The following FBXW7 variants were observed in gnomAD, a reference collection of about 807,000 sequenced individuals.
FBXW7 encodes F-box/WD repeat-containing protein 7.
In FBXW7, 11 loss-of-function variants were observed where a neutral mutation model predicts 86.3. The observed-to-expected ratio is 0.13, with a 90% CI of 0.08 to 0.21. FBXW7 has a LOEUF of 0.21. Among genes scored for constraint, FBXW7 ranks in the 10% least tolerant of loss-of-function variants. The pLI is 1.00. For missense variants in FBXW7, 488 were observed against 847.4 expected (o/e 0.58, Z 5.27); for synonymous variants, 313 against 297.9 (o/e 1.05, Z -0.52).
At chr4:152,370,189 G>A (rs919203835) in intron 4 of FBXW7, among the ~76,000 whole-genome samples, 1 of 151,864 alleles carries the variant, frequency 6.6e-6, no homozygotes, top group Non-Finnish European at 1.5e-5. Context: ...GTTCCCAAGT[G>A]AACTATATGA....
intron 4 of FBXW7, among the ~76,000 whole-genome samples, chr4:152,359,933 GATA>G (rs1447063108): frequency 2.6e-5 from 4 of 152,166 alleles, no homozygotes; most frequent in Admixed American, 2.6e-4. Context: ...ACAGAAGTTT[GATA>G]AGTGTTGAGA....
At chr4:152,445,560 TC>T (rs1411231560) in intron 2 of FBXW7, among the ~76,000 whole-genome samples, 3 of 152,178 alleles carry the variant, frequency 2.0e-5, no homozygotes, top group African/African-American at 7.2e-5. Context: ...AGTTCTCTCA[TC>T]TTTAAAAATA....
chr4:152,434,214 G>A (rs527331684), intron 2 of FBXW7, among the ~76,000 whole-genome samples: 77 of 152,252 alleles, frequency 5.1e-4, no homozygotes, highest in Admixed American at 9.2e-4. Context: ...GGACAGCTGA[G>A]TTTCACTTCC....
intron 4 of FBXW7, among the ~76,000 whole-genome samples, chr4:152,364,796 T>C (rs753962189): frequency 1.1e-4 from 16 of 152,158 alleles, no homozygotes; most frequent in African/African-American, 2.9e-4. Flanking sequence ...TTGAAACATA[T>C]GTATCTCTGT....
In FBXW7 at chr4:152,536,088, G is replaced by C; in HGVS notation, c.-1174C>G. 6.2e-6 allele frequency: 1 copy of C among 161,250 alleles called. No homozygotes were observed. Among genetic ancestry groups the C allele is most frequent in the Non-Finnish European group, 1.4e-5 (1 of 72,820 alleles). 10.0% of individuals were successfully genotyped at this position (161,250 alleles called of 1,614,324 possible). The stretch of plus-strand genomic sequence containing the variant: ...TGTGCGGGGCTCTCGCCTCACTCCA[G>C]AGAGAGGGGCGGGAGGAGAGCGGCG... On this transcript the variant is annotated 5_prime_UTR_variant, in exon 1 of 14. Coordinates refer to ENST00000281708, the MANE Select transcript of FBXW7 (RefSeq NM_001349798.2).
chr4:152,339,995 G>C (rs1730564022), intron 6 of FBXW7, among the ~76,000 whole-genome samples: 1 of 150,096 alleles, frequency 6.7e-6, no homozygotes, highest in African/African-American at 2.4e-5. Flanking sequence ...ATAGGGTGTA[G>C]AAATTAAAGA....
chr4:152,517,429 A>C (rs1748597269), intron 2 of FBXW7, among the ~76,000 whole-genome samples: 1 of 152,232 alleles, frequency 6.6e-6, no homozygotes, highest in Non-Finnish European at 1.5e-5. Flanking sequence ...TGCCAATGAA[A>C]ATAGCCAGTA....
intron 6 of FBXW7, among the ~76,000 whole-genome samples, chr4:152,343,318 G>A (rs1003931672): frequency 6.6e-6 from 1 of 151,934 alleles, no homozygotes; most frequent in Non-Finnish European, 1.5e-5. Context: ...TAGTGTTAAC[G>A]GTCCCTTTTT....
chr4:152,391,978 G>A (rs1736032795), intron 4 of FBXW7, among the ~76,000 whole-genome samples: 1 of 152,052 alleles, frequency 6.6e-6, no homozygotes, highest in South Asian at 2.1e-4. Flanking sequence ...AGATATAAAT[G>A]AGTTCTAGAT....
rs1745481819 is a variant in FBXW7, at chr4:152,487,824, A to C, written c.-120+47117T>G. On this transcript the variant is annotated intron_variant, in intron 2 of 13. Coordinates refer to ENST00000281708, the MANE Select transcript of FBXW7 (RefSeq NM_001349798.2). ...CTGCTGCTACATAATTTTCAGTTTT[A>C]ATAGCTATACAATACTTAGTTCTGT... is the stretch of plus-strand genomic sequence containing the variant. Among the ~76,000 whole-genome samples, 5 of 152,048 alleles carry C rather than the reference A, an allele frequency of 3.3e-5. No homozygotes were observed. The South Asian group carries it at 1.0e-3, about 32-fold the overall frequency.
At chr4:152,359,757 C>A (rs1242762532) in intron 4 of FBXW7, among the ~76,000 whole-genome samples, 1 of 151,978 alleles carries the variant, frequency 6.6e-6, no homozygotes, top group African/African-American at 2.4e-5. Flanking sequence ...GAGCAAAACT[C>A]AGTCTCAAAA....
intron 4 of FBXW7, among the ~76,000 whole-genome samples, chr4:152,398,508 A>AT (rs1346291476): frequency 6.6e-6 from 1 of 151,996 alleles, no homozygotes; most frequent in African/African-American, 2.4e-5. Context: ...TGTTCTTAAA[A>AT]TTTTTCCCAC....
intron 5 of FBXW7, 99 bp from the exon 6 acceptor site, chr4:152,347,170 G>C (rs2126637926): frequency 1.0e-6 from 1 of 992,860 alleles, no homozygotes. Flanking sequence ...CTAGTACAAA[G>C]AATGATGATC....
intron 2 of FBXW7, among the ~76,000 whole-genome samples, chr4:152,525,229 T>C (rs530325771): frequency 2.6e-5 from 4 of 152,348 alleles, no homozygotes; most frequent in Non-Finnish European, 2.9e-5. Context: ...ATCTAATTTC[T>C]ACATTTACAC....
chr4:152,349,139 AT>A (rs1560789207), intron 5 of FBXW7, among the ~76,000 whole-genome samples: 1 of 152,070 alleles, frequency 6.6e-6, no homozygotes, highest in Non-Finnish European at 1.5e-5. Flanking sequence ...TAAAAAAATT[AT>A]ATCTGAGCAA....
chr4:152,464,558 C>T (rs60156660), intron 2 of FBXW7, among the ~76,000 whole-genome samples: 1 of 152,042 alleles, frequency 6.6e-6, no homozygotes, highest in Non-Finnish European at 1.5e-5. Flanking sequence ...AAGGAACCTG[C>T]ATAAACTAGG....
intron 2 of FBXW7, among the ~76,000 whole-genome samples, chr4:152,484,310 A>T (rs1026569901): frequency 1.3e-5 from 2 of 152,192 alleles, no homozygotes; most frequent in Admixed American, 6.5e-5. Flanking sequence ...AAAAATCAAG[A>T]TTCTTATTAA....
At chr4:152,374,566 G>A (rs574488149) in intron 4 of FBXW7, among the ~76,000 whole-genome samples, 1 of 151,992 alleles carries the variant, frequency 6.6e-6, no homozygotes, top group Non-Finnish European at 1.5e-5. Flanking sequence ...CAATGAATCA[G>A]CCATAGAAAT....
At chr4:152,403,519 C>T (rs1230433604) in intron 4 of FBXW7, among the ~76,000 whole-genome samples, 1 of 151,680 alleles carries the variant, frequency 6.6e-6, no homozygotes, top group East Asian at 1.9e-4. Context: ...ACGGTAGTCA[C>T]CAACCTTTTT....
Sources: allele counts gnomAD v4.1 joint callset (sites outside exome capture counted in the v4.1 genomes callset), GRCh38; gene constraint gnomAD v4.1.1; transcripts MANE v1.5; gene names NCBI Gene and HGNC (gene_info 2026-07-23, HGNC 2026-07-21).